ZP2: variants seen among roughly 807,000 people sequenced by gnomAD.
ZP2 encodes zona pellucida sperm-binding protein 2.
ZP2 carries 51 observed loss-of-function variants against 84.0 expected under a neutral mutation model. The observed-to-expected ratio is 0.61, with a 90% CI of 0.49 to 0.77. ZP2 has a LOEUF of 0.77. ZP2 is among the 30% of genes least tolerant of loss of function. ZP2 has a pLI of 0.00. For synonymous variants in ZP2, 375 were observed against 330.9 expected (o/e 1.13, Z -1.45); for missense variants, 909 against 911.9 (o/e 1.00, Z 0.04).
upstream of ZP2, chr16:21,214,261 C>G (rs77290871): frequency 2.7e-3 from 2,622 of 985,208 alleles, 57 homozygotes; most frequent in African/African-American, 0.043. Flanking sequence ...GGGACAGCCA[C>G]CGAACAAATG....
Position 21,211,471 on chromosome 16 carries a change from T to G in ZP2, c.62+15A>C, listed in dbSNP as rs2093274946. ...AGCTACCATACCCCCTCCCTCCACT[T>G]CCAGAATTACTCACCTCCAGCCTGC... is the stretch of plus-strand genomic sequence containing the variant. On this transcript the variant is annotated intron_variant, in intron 1 of 18. Coordinates refer to ENST00000574091, the MANE Select transcript of ZP2 (RefSeq NM_001376232.1). 1 of 1,613,808 alleles carries G rather than the reference T, an allele frequency of 6.2e-7. No homozygotes were observed. The highest frequency in any genetic ancestry group is 1.1e-5 in the South Asian group (1 of 91,054).
chr16:21,210,272 A>C, intron 2 of ZP2, 80 bp from the exon 3 acceptor site: 1 of 1,105,882 alleles, frequency 9.0e-7, no homozygotes, highest in Non-Finnish European at 1.4e-6. Context: ...CTCCTCTCAG[A>C]TGGGAGGGAT....
At chr16:21,206,530 T>C (rs1185774307) in intron 5 of ZP2, among the ~76,000 whole-genome samples, 4 of 152,198 alleles carry the variant, frequency 2.6e-5, no homozygotes, top group African/African-American at 9.7e-5. Context: ...ACATGGCATG[T>C]ATTCCATTTG....
At chr16:21,198,911 G>T in intron 16 of ZP2, 49 bp from the exon 17 acceptor site, 1 of 1,497,978 alleles carries the variant, frequency 6.7e-7, no homozygotes, top group Non-Finnish European at 9.3e-7. Context: ...ATAGTGGTTC[G>T]AGAGGTGTGT....
intron 5 of ZP2, chr16:21,206,096 C>CA: frequency 2.8e-6 from 1 of 354,550 alleles, no homozygotes; most frequent in East Asian, 6.6e-5. Context: ...CTCCTGGGTT[C>CA]AAGCGATTCT....
Position 21,199,480 on chromosome 16 carries a change from G to A in ZP2, c.1927+90C>T, listed in dbSNP as rs77031139. The A allele has an allele frequency of 6.1e-4, 716 of 1,165,216 alleles. 2 individuals carry two copies. In the African/African-American group the frequency reaches 8.5e-3, roughly 14 times the overall value. 72.2% of individuals were successfully genotyped at this position (1,165,216 alleles called of 1,614,324 possible). On this transcript the variant is annotated intron_variant, in intron 16 of 18. Coordinates refer to ENST00000574091, the MANE Select transcript of ZP2 (RefSeq NM_001376232.1). ...GAGCTCTGGGCAGTAAATAAAGTAT[G>A]AGTTATACCAGTCCTTAAGATCTTC... is the stretch of plus-strand genomic sequence containing the variant.
rs775730788 is a variant in ZP2, at chr16:21,197,489, T to C, written c.2229A>G (p.Ser743=). 1 of 1,614,166 alleles carries C rather than the reference T, an allele frequency of 6.2e-7. No individual in the cohort carries two copies. Among genetic ancestry groups the C allele is most frequent in the Non-Finnish European group, 8.5e-7 (1 of 1,180,008 alleles). ...TTATTTAGAAGCCCATTTAGTGATT[T>C]GACACAGTCCTTTTCTCGTACAGGT... is the stretch of plus-strand genomic sequence containing the variant. ...IYYLYEKRTV[S]NH The change falls in exon 19 of 19, where the codon TCA becomes TCG. Residue 743 remains serine (S), a synonymous_variant. Coordinates refer to ENST00000574091, the MANE Select transcript of ZP2 (RefSeq NM_001376232.1).
intron 10 of ZP2, 145 bp downstream of exon 10, chr16:21,202,980 G>A (rs1567213563): frequency 7.2e-6 from 7 of 974,968 alleles, no homozygotes; most frequent in Non-Finnish European, 1.0e-5. Context: ...CATCGTAGCA[G>A]CTACACTGTT....
In ZP2 at chr16:21,199,815, A is replaced by G; in HGVS notation, c.1758T>C (p.His586=). Residue 586 remains histidine, a synonymous_variant, in exon 15 of 19, where the codon CAT becomes CAC. Coordinates refer to ENST00000574091, the MANE Select transcript of ZP2 (RefSeq NM_001376232.1). ...TGTCAAACCTCTGATAGTGATCAGG[A>G]TGGGTCACAGAGGAGCCGACTGGAT... ...TFHPVGSSVT[H]PDHYQRFDMK... is the part of the protein sequence containing the mutation. The G allele has an allele frequency of 6.2e-7, 1 of 1,613,868 alleles. No homozygotes were observed. The highest frequency in any genetic ancestry group is 8.5e-7 in the Non-Finnish European group (1 of 1,180,028).
At position 21,201,694 on chromosome 16, in the gene ZP2, G is replaced by T; in HGVS notation, c.1504+12C>A. 6.2e-7 allele frequency: 1 copy of T among 1,614,014 alleles called. No individual in the cohort carries two copies. Among genetic ancestry groups the T allele is most frequent in the Non-Finnish European group, 8.5e-7 (1 of 1,179,996 alleles). On this transcript the variant is annotated intron_variant, in intron 13 of 18. Coordinates refer to ENST00000574091, the MANE Select transcript of ZP2 (RefSeq NM_001376232.1). ...GATCATTTAAGCAATTTCACAGACTGCAATCTCTTACCTGGGTAGCTTTGC... is the reference window on the plus strand; with the variant it reads ...GATCATTTAAGCAATTTCACAGACTTCAATCTCTTACCTGGGTAGCTTTGC...
intron 12 of ZP2, 35 bp downstream of exon 12, chr16:21,201,897 T>C (rs1016513323): frequency 6.2e-7 from 1 of 1,613,060 alleles, no homozygotes; most frequent in Non-Finnish European, 8.5e-7. Context: ...GAGTTTAAAC[T>C]AGAGCTTAAG....
In ZP2 at chr16:21,205,449, A is replaced by T; in HGVS notation, c.664T>A (p.Phe222Ile). The T allele has an allele frequency of 5.6e-6, 9 of 1,614,148 alleles. No individual in the cohort carries two copies. Among genetic ancestry groups the T allele is most frequent in the Non-Finnish European group, 7.6e-6 (9 of 1,180,020 alleles). The change falls in exon 7 of 19, where the codon TTC (phenylalanine) becomes ATC (isoleucine). Residue 222 changes from phenylalanine to isoleucine, a missense_variant. Physicochemically the swap from Phe to Ile is conservative, Grantham distance 21. Transcript: ENST00000574091. Reference protein sequence around the residue: ...DNHRMTFHVPFNATGVTHYVQ... With the variant: ...DNHRMTFHVPINATGVTHYVQ... ...TAGTGAGTCACTCCAGTGGCATTGA[A>T]TGGCACATGGAAGGTCATCCTGTGG...
chr16:21,207,014 A>T (rs2093253108), intron 4 of ZP2, 24 bp from the exon 5 acceptor site: 1 of 1,613,532 alleles, frequency 6.2e-7, no homozygotes, highest in South Asian at 1.1e-5. Flanking sequence ...GCACAGTGGG[A>T]ACAGAGTAAG....
At chr16:21,198,952 G>A in intron 16 of ZP2, 90 bp from the exon 17 acceptor site, 3 of 1,163,136 alleles carry the variant, frequency 2.6e-6, no homozygotes, top group Non-Finnish European at 3.8e-6. Flanking sequence ...GAAGCTCTCT[G>A]GAGTATTTTG....
rs1187967823 is a variant in ZP2 at position 21,211,389 on chromosome 16, G to A, written c.69C>T (p.Tyr23=). Residue 23 remains tyrosine, a synonymous_variant, in exon 2 of 19, where the codon TAC becomes TAT. Coordinates refer to ENST00000574091, the MANE Select transcript of ZP2 (RefSeq NM_001376232.1). ...GGGCGAAGAAGAGAGAAATCGACCT[G>A]TAGGTGCTGGAAAGAGACAGGGAGA... ...SGWFNAGWST[Y]RSISLFFALV... The A allele has an allele frequency of 1.2e-6, 2 of 1,614,068 alleles. No individual in the cohort carries two copies. The highest frequency in any genetic ancestry group is 1.7e-6 in the Non-Finnish European group (2 of 1,180,030).
At chr16:21,210,877 A>ATTT (rs559320725) in intron 2 of ZP2, among the ~76,000 whole-genome samples, 410 of 133,638 alleles carry the variant, frequency 3.1e-3, no homozygotes, top group African/African-American at 0.01. Flanking sequence ...GCCTGGCTGC[A>ATTT]TTTTTTTTTT....
chr16:21,200,219 C>G (rs2152854674), intron 14 of ZP2, among the ~76,000 whole-genome samples: 1 of 152,278 alleles, frequency 6.6e-6, no homozygotes, highest in Middle Eastern at 3.4e-3. Context: ...GGGCAGATCA[C>G]CTGAGGTCAG....
rs749443006 is a variant in ZP2 at position 21,199,884 on chromosome 16, A to T, written c.1695-6T>A. 2.0e-5 allele frequency: 32 copies of T among 1,612,260 alleles called. 1 individual carries two copies. In the South Asian group the frequency reaches 3.5e-4, roughly 18 times the overall value. The stretch of plus-strand genomic sequence containing the variant: ...TGTCCAGGTCATATGCACAGCTAGG[A>T]GGTATGCACCAGGGAGGGATGTCAG... On this transcript the variant is annotated splice_polypyrimidine_tract_variant and splice_region_variant and intron_variant, in intron 14 of 18. Coordinates refer to ENST00000574091, the MANE Select transcript of ZP2 (RefSeq NM_001376232.1).
At chr16:21,207,945 C>T (rs1194202102) in intron 4 of ZP2, among the ~76,000 whole-genome samples, 1 of 152,008 alleles carries the variant, frequency 6.6e-6, no homozygotes, top group East Asian at 1.9e-4. Context: ...ATGAACTAGG[C>T]ACAGTGGTTC....
Sources: gnomAD v4.1 joint callset for allele counts (sites outside exome capture counted in the v4.1 genomes callset) on GRCh38, gnomAD v4.1.1 for gene constraint, MANE v1.5 for transcripts, NCBI Gene and HGNC (gene_info 2026-07-23, HGNC 2026-07-21) for gene names.